The following TEX30 variants were observed in gnomAD, a reference collection of about 807,000 sequenced individuals.
TEX30 encodes testis expressed 30, also known as testis-expressed protein 30.
In TEX30, 14 loss-of-function variants were observed where a neutral mutation model predicts 23.8. The observed-to-expected ratio is 0.59, with a 90% CI of 0.39 to 0.92. The LOEUF (loss-of-function observed/expected upper bound fraction) is 0.92, where lower values mean the gene tolerates loss of function less well. Among genes scored for constraint, TEX30 ranks in the 40% least tolerant of loss-of-function variants. TEX30 has a pLI of 0.00. For missense variants in TEX30, 246 were observed against 270.6 expected (o/e 0.91, Z 0.64); for synonymous variants, 78 against 90.2 (o/e 0.87, Z 0.76).
intron 1 of TEX30, chr13:102,770,392 T>C (rs1199297181): frequency 1.2e-5 from 2 of 164,518 alleles, no homozygotes; most frequent in Non-Finnish European, 2.6e-5. Flanking sequence ...TAAATACACA[T>C]TTTTGTAAGA....
Position 102,770,029 on chromosome 13 carries a change from T to C in TEX30, c.-3A>G. 7.0e-7 allele frequency: 1 copy of C among 1,430,752 alleles called. No homozygotes were observed. The highest frequency in any genetic ancestry group is 2.8e-5 in the Admixed American group (1 of 36,100). The allele number at this position is 1,430,752 out of a possible 1,614,324, so 88.6% of individuals were successfully genotyped here. A position where few individuals can be genotyped will look rare whatever the true frequency, so the allele number is the denominator to read the frequency against. ...AATATTACCTCTGTATGACTCATTTTCACTGTTGAATAACAAACTTAAAGT... is the reference window on the plus strand; with the variant it reads ...AATATTACCTCTGTATGACTCATTTCCACTGTTGAATAACAAACTTAAAGT... On this transcript the variant is annotated 5_prime_UTR_variant, in exon 2 of 6. The change abolishes the stop of an existing upstream ORF in the 5' untranslated region. Coordinates refer to ENST00000376032, the MANE Select transcript of TEX30 (RefSeq NM_138779.5).
In TEX30 at chr13:102,766,470, G is replaced by A. The variant is rs776568002; in HGVS notation, c.615C>T (p.Phe205=). The A allele has an allele frequency of 1.2e-6, 2 of 1,613,744 alleles. No homozygotes were observed. Among genetic ancestry groups the A allele is most frequent in the East Asian group, 2.2e-5 (1 of 44,818 alleles). The change falls in exon 6 of 6, where the codon TTC becomes TTT. Residue 205 remains phenylalanine, a synonymous_variant. Coordinates refer to ENST00000376032, the MANE Select transcript of TEX30 (RefSeq NM_138779.5). ...ACAAAATCTGTGTATTTATTTCTTT[G>A]AAAACATCATTTGTCGACCGTCCTT... ...AVKGRSTNDV[F]KEINTQILFW...
intron 1 of TEX30, among the ~76,000 whole-genome samples, chr13:102,772,125 A>C (rs1310543738): frequency 2.0e-5 from 3 of 151,812 alleles, no homozygotes; most frequent in Admixed American, 2.0e-4. Flanking sequence ...CCACTATCTT[A>C]ATTTAGAATG....
chr13:102,766,128 G>T lies in TEX30; in HGVS notation c.*273C>A. On this transcript the variant is annotated 3_prime_UTR_variant, in exon 6 of 6. Transcript: ENST00000376032. ...AAGCACCTTTTTGTAACAAAATTCA[G>T]ATGTTTAATTTTTTTCAAAACTTAA... The T allele has an allele frequency of 4.7e-6, 1 of 214,280 alleles. No homozygotes were observed. Among genetic ancestry groups the T allele is most frequent in the Non-Finnish European group, 9.1e-6 (1 of 109,478 alleles). The allele number at this position is 214,280 out of a possible 1,614,324, so 13.3% of individuals were successfully genotyped here.
At chr13:102,773,337 GGGGCTGCGCCGC>G (rs1173554575) in intron 1 of TEX30, 2 of 152,130 alleles carry the variant, frequency 1.3e-5, no homozygotes, top group Non-Finnish European at 1.5e-5. Flanking sequence ...GCGCGCTGCC[GGGGCTGCGCCGC>G]GGGCTGCCCC....
intron 1 of TEX30, among the ~76,000 whole-genome samples, chr13:102,772,625 G>A (rs560549132): frequency 3.9e-5 from 6 of 152,186 alleles, no homozygotes; most frequent in African/African-American, 1.4e-4. Context: ...CCCCAGGCAG[G>A]AGTGCAGCGG....
At chr13:102,768,116 G>A (rs1297268088) in intron 4 of TEX30, 144 bp downstream of exon 4, 7 of 622,156 alleles carry the variant, frequency 1.1e-5, no homozygotes, top group Non-Finnish European at 2.0e-5. Flanking sequence ...TATATAAAGT[G>A]CTTTAACATT....
chr13:102,767,203 G>T lies in TEX30; in HGVS notation c.504+70C>A, dbSNP rs919154520. The T allele has an allele frequency of 7.2e-5, 105 of 1,464,620 alleles. No individual in the cohort carries two copies. In the Admixed American group the frequency reaches 1.8e-3, roughly 26 times the overall value. 90.7% of individuals were successfully genotyped at this position (1,464,620 alleles called of 1,614,324 possible). A position where few individuals can be genotyped will look rare whatever the true frequency, so the allele number is the denominator to read the frequency against. On this transcript the variant is annotated intron_variant, in intron 5 of 5. Coordinates refer to ENST00000376032, the MANE Select transcript of TEX30 (RefSeq NM_138779.5). Reference sequence around the variant, plus strand: ...TTTTTAAAAGACACTGTTGCCAGAAGTATCTTGCTCCCAAGATATGTCTGC... The same window carrying T: ...TTTTTAAAAGACACTGTTGCCAGAATTATCTTGCTCCCAAGATATGTCTGC...
chr13:102,773,575 G>A (rs1436399685), intron 1 of TEX30, 107 bp downstream of exon 1: 1 of 151,924 alleles, frequency 6.6e-6, no homozygotes, highest in Non-Finnish European at 1.5e-5. Flanking sequence ...CCTGAGGAGT[G>A]ACGCCCGCGA....
At position 102,767,397 on chromosome 13, in the gene TEX30, A is replaced by G. The variant is rs1305425615; in HGVS notation, c.380T>C (p.Leu127Pro). ...PDDGDDFVRGLICISYPLHHP... is the reference protein window; with the variant it reads ...PDDGDDFVRGPICISYPLHHP... ...GTGCAGTGGGTAAGAAATACAAATG[A>G]GACCCCGAACAAAATCATCACCATC... Residue 127 changes from leucine to proline, a missense_variant, in exon 5 of 6, where the codon CTC (leucine) becomes CCC (proline). Transcript: ENST00000376032. The G allele has an allele frequency of 6.2e-7, 1 of 1,614,218 alleles. No homozygotes were observed. The highest frequency in any genetic ancestry group is 1.1e-5 in the South Asian group (1 of 91,090).
chr13:102,768,454 GAAGT>G (rs1368209920), intron 3 of TEX30, 143 bp from the exon 4 acceptor site: 2 of 549,140 alleles, frequency 3.6e-6, no homozygotes, highest in African/African-American at 2.0e-5. Flanking sequence ...TTTCTTAAAA[GAAGT>G]AAGCAGTCCT....
chr13:102,770,393 T>G (rs953040092), intron 1 of TEX30: 1 of 164,166 alleles, frequency 6.1e-6, no homozygotes, highest in African/African-American at 2.4e-5. Flanking sequence ...AAATACACAT[T>G]TTTGTAAGAA....
At position 102,767,492 on chromosome 13, in the gene TEX30, A is replaced by T; in HGVS notation, c.299-14T>A. 6.2e-7 allele frequency: 1 copy of T among 1,612,422 alleles called. No homozygotes were observed. Among genetic ancestry groups the T allele is most frequent in the Non-Finnish European group, 8.5e-7 (1 of 1,179,118 alleles). On this transcript the variant is annotated splice_polypyrimidine_tract_variant and intron_variant, in intron 4 of 5. Transcript: ENST00000376032. ...CCATTGAACGACCTAAAATCAATTA[A>T]AATTAAGTTCAGTTTGAAATATAAA...
At chr13:102,767,501 TCA>T in intron 4 of TEX30, 23 bp from the exon 5 acceptor site, 1 of 1,610,072 alleles carries the variant, frequency 6.2e-7, no homozygotes, top group Non-Finnish European at 8.5e-7. Flanking sequence ...AAAATTAAGT[TCA>T]GTTTGAAATA....
At chr13:102,771,667 C>T (rs74112414) in intron 1 of TEX30, among the ~76,000 whole-genome samples, 8 of 152,324 alleles carry the variant, frequency 5.3e-5, no homozygotes, top group African/African-American at 1.9e-4. Flanking sequence ...TATCTTCATA[C>T]ATGCAGCCCC....
chr13:102,772,608 C>T (rs2139055290), intron 1 of TEX30, among the ~76,000 whole-genome samples: 1 of 152,304 alleles, frequency 6.6e-6, no homozygotes, highest in South Asian at 2.1e-4. Context: ...CAGAGTCTTG[C>T]TCTGTCCCCC....
chr13:102,772,346 T>C (rs1359119580), intron 1 of TEX30, among the ~76,000 whole-genome samples: 1 of 152,136 alleles, frequency 6.6e-6, no homozygotes, highest in East Asian at 1.9e-4. Flanking sequence ...AGGGTCTCCC[T>C]ATGTTTCGCA....
intron 1 of TEX30, chr13:102,770,789 C>T (rs1877262794): frequency 6.6e-6 from 1 of 152,162 alleles, no homozygotes; most frequent in Non-Finnish European, 1.5e-5. Context: ...GGAGTCCAGA[C>T]TAGTCTAACC....
intron 1 of TEX30, among the ~76,000 whole-genome samples, chr13:102,771,721 CT>C (rs1211012503): frequency 6.6e-6 from 1 of 152,244 alleles, no homozygotes; most frequent in Admixed American, 6.5e-5. Context: ...CTCTGTTTTA[CT>C]TTCTCAAGAG....
Sources: allele counts gnomAD v4.1 joint callset (sites outside exome capture counted in the v4.1 genomes callset), GRCh38; gene constraint gnomAD v4.1.1; transcripts MANE v1.5; gene names NCBI Gene and HGNC (gene_info 2026-07-23, HGNC 2026-07-21).